Variants in ITIH5 observed in about 807,000 individuals in gnomAD.
The protein encoded by ITIH5 is inter-alpha-trypsin inhibitor heavy chain H5.
In ITIH5, 65 loss-of-function variants were observed where a neutral mutation model predicts 77.5. That is an observed-to-expected ratio of 0.84 (90% CI 0.69 to 1.03). ITIH5 has a LOEUF of 1.03. Among genes scored for constraint, ITIH5 ranks in the 50% least tolerant of loss-of-function variants. ITIH5 has a pLI of 0.00. For missense variants in ITIH5, 1,208 were observed against 1,213.1 expected, an observed-to-expected ratio of 1.00 and a Z score of 0.06; for synonymous variants, 525 against 494.3, an observed-to-expected ratio of 1.06 and a Z score of -0.82.
intron 3 of ITIH5, among the ~76,000 whole-genome samples, chr10:7,641,642 A>AAGGAAGGGAGGG (rs1471576670): frequency 5.4e-5 from 4 of 74,590 alleles, no homozygotes; most frequent in East Asian, 5.2e-4. Context: ...AAAGAAAAGG[A>AAGGAAGGGAGGG]AGGAAGGAAG....
intron 5 of ITIH5, among the ~76,000 whole-genome samples, chr10:7,631,808 A>G (rs1014572971): frequency 7.3e-5 from 11 of 151,284 alleles, no homozygotes; most frequent in African/African-American, 2.2e-4. Context: ...TTTTTTTTAA[A>G]CCAAATCTGA....
intron 5 of ITIH5, among the ~76,000 whole-genome samples, chr10:7,634,164 T>C (rs1833760736): frequency 6.6e-6 from 1 of 151,080 alleles, no homozygotes; most frequent in African/African-American, 2.4e-5. Flanking sequence ...TTAGACAAAT[T>C]CCAGAAGTTA....
In ITIH5 at chr10:7,569,673, T is replaced by C. The variant is rs769410782; in HGVS notation, c.2144A>G (p.Asp715Gly). 6.2e-6 allele frequency: 10 copies of C among 1,600,424 alleles called. No homozygotes were observed. The African/African-American group carries it at 1.3e-4, about 22-fold the overall frequency. Reference protein sequence around the residue: ...DILRLVSDHRDSGVTVNGELI... With the variant: ...DILRLVSDHRGSGVTVNGELI... ...CAGCGGAAGGTAGAACTTACCAGAG[T>C]CCCTGTGATCAGAGACCAGCCTGAG... The change falls in exon 12 of 14, where the codon GAC (aspartate) becomes GGC (glycine). Residue 715 changes from aspartate to glycine, a missense_variant. Physicochemically the swap from Asp to Gly is moderately conservative, Grantham distance 94 (BLOSUM62 -1). Transcript: ENST00000397146.
intron 7 of ITIH5, among the ~76,000 whole-genome samples, chr10:7,596,821 G>T (rs187275581): frequency 1.6e-4 from 25 of 152,056 alleles, no homozygotes; most frequent in Non-Finnish European, 3.5e-4. Context: ...GTCGAGGAAG[G>T]ACGATCACCT....
At position 7,562,130 on chromosome 10, in the gene ITIH5, C is replaced by T. The variant is rs1832051159; in HGVS notation, c.*953G>A. 6.6e-6 allele frequency: 1 copy of T among 152,240 alleles called. No individual in the cohort carries two copies. Among genetic ancestry groups the T allele is most frequent in the South Asian group, 2.1e-4 (1 of 4,830 alleles). The allele number at this position is 152,240 out of a possible 1,614,324, so 9.4% of individuals were successfully genotyped here. A position where few individuals can be genotyped will look rare whatever the true frequency, so the allele number is the denominator to read the frequency against. Reference sequence around the variant, plus strand: ...GGTGGGCTGGTGGACCTGCTCTGAGCCGGCTCTGCCTCCCGTCCTAGCACT... The same window carrying T: ...GGTGGGCTGGTGGACCTGCTCTGAGTCGGCTCTGCCTCCCGTCCTAGCACT... On this transcript the variant is annotated 3_prime_UTR_variant, in exon 14 of 14. Coordinates refer to ENST00000397146, the MANE Select transcript of ITIH5 (RefSeq NM_030569.7).
intron 12 of ITIH5, among the ~76,000 whole-genome samples, chr10:7,568,063 C>G (rs1336205068): frequency 6.6e-6 from 1 of 152,088 alleles, no homozygotes; most frequent in Non-Finnish European, 1.5e-5. Context: ...TTGAGCAAGG[C>G]CTGTGAACCA....
At chr10:7,639,797 C>A (rs1833854093) in intron 4 of ITIH5, among the ~76,000 whole-genome samples, 1 of 151,780 alleles carries the variant, frequency 6.6e-6, no homozygotes, top group Non-Finnish European at 1.5e-5. Flanking sequence ...CATTTATAAA[C>A]AAAAGAAAGA....
Position 7,566,352 on chromosome 10 carries a change from CTTGTGGCCAT to C in ITIH5, c.2195_2204del (p.Asn732ArgfsTer70). 3 of 1,606,596 alleles carry C rather than the reference CTTGTGGCCAT, an allele frequency of 1.9e-6. No individual in the cohort carries two copies. The highest frequency in any genetic ancestry group is 1.7e-6 in the Non-Finnish European group (2 of 1,173,656). ...TAGTGCGCAAGTAAGTGCGCTGTTT[CTTGTGGCCAT>C]TTGGAGGGGCGGGTGCCCCAATTAA... On this transcript the variant is annotated frameshift_variant, in exon 13 of 14. Transcript: ENST00000397146. LOFTEE classifies it high-confidence loss of function.
rs1554757806 is a variant in ITIH5, at chr10:7,644,871, T to TCACATATATATAA, written c.136-2782_136-2781insTTATATATATGTG. 7.8e-3 allele frequency among the ~76,000 whole-genome samples: 992 copies of TCACATATATATAA among 126,684 alleles called. 48 individuals carry two copies. Among genetic ancestry groups the TCACATATATATAA allele is most frequent in the Admixed American group, 0.026 (304 of 11,498 alleles). The allele number at this position is 126,684 out of a possible 152,430, so 83.1% of individuals were successfully genotyped here. ...ATATCACATATGTATCACATATATA[T>TCACATATATATAA]CACATATATATATCACATATATATA... On this transcript the variant is annotated intron_variant, in intron 2 of 13. Transcript: ENST00000397146.
chr10:7,640,987 G>C, intron 3 of ITIH5, 132 bp from the exon 4 acceptor site: 2 of 729,794 alleles, frequency 2.7e-6, no homozygotes, highest in Non-Finnish European at 4.9e-6. Flanking sequence ...ATGCATTCCA[G>C]ACTAGGGCAC....
chr10:7,635,426 T>C (rs977450961), intron 5 of ITIH5, among the ~76,000 whole-genome samples: 1 of 152,184 alleles, frequency 6.6e-6, no homozygotes, highest in Admixed American at 6.5e-5. Context: ...TGAACTAAAA[T>C]CCATTAACCA....
At chr10:7,605,538 A>T (rs5782988) in intron 7 of ITIH5, among the ~76,000 whole-genome samples, 1 of 42,174 alleles carries the variant, frequency 2.4e-5, no homozygotes, top group Non-Finnish European at 5.0e-5. Context: ...CTAGCACCCC[A>T]CCCCCAACAG....
rs146549053 is a variant in ITIH5 at position 7,666,011 on chromosome 10, C to T, written c.90+792G>A. 2.0e-4 allele frequency among the ~76,000 whole-genome samples: 31 copies of T among 152,334 alleles called. 1 individual carries two copies. Among genetic ancestry groups the T allele is most frequent in the Admixed American group, 1.8e-3 (27 of 15,302 alleles). ...CCGCCTACTTGTATCTTCCTCCCAC[C>T]GTGCACAAACACGCTGGAAGCTAAA... On this transcript the variant is annotated intron_variant, in intron 1 of 13. Transcript: ENST00000397146.
At chr10:7,640,969 T>C in intron 3 of ITIH5, 114 bp from the exon 4 acceptor site, 1 of 780,188 alleles carries the variant, frequency 1.3e-6, no homozygotes, top group Non-Finnish European at 2.3e-6. Flanking sequence ...TTTGGATGTG[T>C]AGAAAGAATG....
At chr10:7,595,879 G>A (rs1328755095) in intron 7 of ITIH5, among the ~76,000 whole-genome samples, 7 of 152,074 alleles carry the variant, frequency 4.6e-5, no homozygotes, top group Admixed American at 6.5e-5. Context: ...ATTGTGGCAC[G>A]TGCCTGTAGT....
intron 1 of ITIH5, among the ~76,000 whole-genome samples, chr10:7,659,837 T>C (rs920344418): frequency 6.6e-6 from 1 of 152,194 alleles, no homozygotes; most frequent in Non-Finnish European, 1.5e-5. Flanking sequence ...CCAGCTAGGA[T>C]TGGAAGTGCA....
At chr10:7,610,276 C>A (rs957397936) in intron 7 of ITIH5, among the ~76,000 whole-genome samples, 1 of 152,116 alleles carries the variant, frequency 6.6e-6, no homozygotes, top group African/African-American at 2.4e-5. Context: ...CCAGGCAGGT[C>A]CTGGCTTCCA....
chr10:7,638,731 T>C (rs1418641815), intron 4 of ITIH5, among the ~76,000 whole-genome samples: 5 of 152,274 alleles, frequency 3.3e-5, no homozygotes, highest in African/African-American at 4.8e-5. Flanking sequence ...CGAAAAGAGA[T>C]ACCAGGGTAA....
chr10:7,644,348 ACATATATAT>A (rs1412210004), intron 2 of ITIH5, among the ~76,000 whole-genome samples: 71 of 146,670 alleles, frequency 4.8e-4, no homozygotes, highest in African/African-American at 1.7e-3. Flanking sequence ...CACATATATC[ACATATATAT>A]CATATATATC....
Sources: gnomAD v4.1 joint callset for allele counts (sites outside exome capture counted in the v4.1 genomes callset) on GRCh38, gnomAD v4.1.1 for gene constraint, MANE v1.5 for transcripts, NCBI Gene and HGNC (gene_info 2026-07-23, HGNC 2026-07-21) for gene names.